MKLN1: variants seen among roughly 807,000 people sequenced by gnomAD.
The protein encoded by MKLN1 is muskelin 1.
Under a neutral mutation model 99.0 loss-of-function variants are expected in MKLN1, and 18 were observed. The observed-to-expected ratio is 0.18, with a 90% CI of 0.13 to 0.27. MKLN1 has a LOEUF of 0.27. Among genes scored for constraint, MKLN1 ranks in the 10% least tolerant of loss-of-function variants. The pLI, the probability that MKLN1 is intolerant of heterozygous loss-of-function variation, is 1.00. For missense variants in MKLN1, 621 were observed against 875.9 expected, an observed-to-expected ratio of 0.71 and a Z score of 3.67; for synonymous variants, 288 against 293.2, an observed-to-expected ratio of 0.98 and a Z score of 0.18.
intron 6 of MKLN1, among the ~76,000 whole-genome samples, chr7:131,403,003 C>G (rs1221982469): frequency 6.6e-6 from 1 of 152,156 alleles, no homozygotes; most frequent in East Asian, 1.9e-4. Flanking sequence ...GACAGTCACA[C>G]TATCCTTTAA....
chr7:131,241,377 AAAAAAAAAAAAAAG>A (rs1563263980), intron 3 of MKLN1, among the ~76,000 whole-genome samples: 1 of 14,888 alleles, frequency 6.7e-5, no homozygotes, highest in Admixed American at 9.6e-4. Context: ...GACTCTGTCT[AAAAAAAAAAAAAAG>A]AAAAAAGAAA....
intron 3 of MKLN1, among the ~76,000 whole-genome samples, chr7:131,252,085 A>G (rs1797589355): frequency 6.6e-6 from 1 of 152,158 alleles, no homozygotes; most frequent in African/African-American, 2.4e-5. Flanking sequence ...CTGAAATCCC[A>G]AATGTCCTAT....
intron 1 of MKLN1, among the ~76,000 whole-genome samples, chr7:131,344,051 T>G (rs1799485258): frequency 6.6e-6 from 1 of 152,182 alleles, no homozygotes; most frequent in South Asian, 2.1e-4. Context: ...TTTAAAACGG[T>G]TTGATTCAAT....
intron 2 of MKLN1, among the ~76,000 whole-genome samples, chr7:131,161,110 T>A (rs933324144): frequency 1.3e-5 from 2 of 152,146 alleles, no homozygotes; most frequent in African/African-American, 4.8e-5. Context: ...AAGTACCCCT[T>A]AAAGTAACTA....
chr7:131,373,861 C>T (rs1164337891), intron 1 of MKLN1, among the ~76,000 whole-genome samples: 1 of 152,088 alleles, frequency 6.6e-6, no homozygotes, highest in Non-Finnish European at 1.5e-5. Context: ...ATCCAAGATC[C>T]CACATTACAT....
intron 2 of MKLN1, among the ~76,000 whole-genome samples, chr7:131,173,676 G>T (rs577238713): frequency 2.0e-5 from 3 of 152,218 alleles, no homozygotes; most frequent in African/African-American, 7.2e-5. Context: ...TTGAGATCGT[G>T]CCATTGCATT....
At chr7:131,475,084 T>G (rs1796928527) in intron 16 of MKLN1, among the ~76,000 whole-genome samples, 1 of 151,692 alleles carries the variant, frequency 6.6e-6, no homozygotes, top group Non-Finnish European at 1.5e-5. Flanking sequence ...CTCCCCCAAT[T>G]CAACATGAGA....
rs187901123 is a variant in MKLN1, at chr7:131,359,050, T to A, written c.99-16374T>A. On this transcript the variant is annotated intron_variant, in intron 1 of 17. Coordinates refer to ENST00000352689, the MANE Select transcript of MKLN1 (RefSeq NM_013255.5). Reference sequence around the variant, plus strand: ...CTAAGATTTATTTATTTATTTATTTTTTCTGCTTTGTTTATGCTTCAGTTG... The same window carrying A: ...CTAAGATTTATTTATTTATTTATTTATTCTGCTTTGTTTATGCTTCAGTTG... Among the ~76,000 whole-genome samples, 148 of 152,248 alleles carry A rather than the reference T, an allele frequency of 9.7e-4. 1 individual carries two copies. Among genetic ancestry groups the A allele is most frequent in the Non-Finnish European group, 1.4e-3 (92 of 68,002 alleles).
At chr7:131,133,330 A>AT (rs11354175) in intron 1 of MKLN1, among the ~76,000 whole-genome samples, 4 of 131,610 alleles carry the variant, frequency 3.0e-5, no homozygotes, top group South Asian at 2.2e-4. Flanking sequence ...TTTAATTTTA[A>AT]TTTTTTTTTT....
At chr7:131,363,501 C>G (rs1416961349) in intron 1 of MKLN1, among the ~76,000 whole-genome samples, 1 of 151,966 alleles carries the variant, frequency 6.6e-6, no homozygotes, top group African/African-American at 2.4e-5. Flanking sequence ...TTCTACAGTC[C>G]TCTTAGAGTG....
chr7:131,300,799 A>G (rs1798367239), intron 3 of MKLN1, among the ~76,000 whole-genome samples: 1 of 152,040 alleles, frequency 6.6e-6, no homozygotes, highest in Non-Finnish European at 1.5e-5. Flanking sequence ...CTGATTAGCC[A>G]CTGTTCATAA....
intron 11 of MKLN1, among the ~76,000 whole-genome samples, chr7:131,444,818 AGT>A (rs1286013610): frequency 2.1e-5 from 3 of 146,200 alleles, no homozygotes; most frequent in East Asian, 2.0e-4. Flanking sequence ...TAGTAGTAGT[AGT>A]AGAAGTGGAA....
chr7:131,252,582 C>T (rs1797599583), intron 3 of MKLN1, among the ~76,000 whole-genome samples: 1 of 152,042 alleles, frequency 6.6e-6, no homozygotes, highest in African/African-American at 2.4e-5. Context: ...ATCCACCTGG[C>T]CTCCCAAAGT....
chr7:131,305,827 G>A (rs990742329), intron 3 of MKLN1, among the ~76,000 whole-genome samples: 6 of 152,090 alleles, frequency 3.9e-5, no homozygotes, highest in Admixed American at 2.6e-4. Flanking sequence ...AGTGGATAGC[G>A]ACAAACCAAA....
intron 3 of MKLN1, among the ~76,000 whole-genome samples, chr7:131,302,515 G>T (rs1408745520): frequency 6.6e-6 from 1 of 152,144 alleles, no homozygotes. Flanking sequence ...AATACACTAG[G>T]CATCAGTGTT....
At chr7:131,184,122 A>G (rs1245246999) in intron 2 of MKLN1, among the ~76,000 whole-genome samples, 2 of 151,762 alleles carry the variant, frequency 1.3e-5, no homozygotes, top group African/African-American at 4.8e-5. Context: ...CTCTGTGATC[A>G]CTTTTCTTTC....
chr7:131,457,747 C>G (rs1796391905), intron 12 of MKLN1, among the ~76,000 whole-genome samples: 1 of 152,132 alleles, frequency 6.6e-6, no homozygotes, highest in Non-Finnish European at 1.5e-5. Context: ...GAAATGCTGT[C>G]TCTACTAAAA....
At position 131,283,336 on chromosome 7, in the gene MKLN1, TTCCCTTCCCC is replaced by T. The variant is rs1443902202; in HGVS notation, c.-179+80366_-179+80375del. 2.4e-3 allele frequency among the ~76,000 whole-genome samples: 77 copies of T among 31,448 alleles called. 2 individuals are homozygous for T. The highest frequency in any genetic ancestry group is 3.0e-3 in the Non-Finnish European group (56 of 18,644). 20.6% of individuals were successfully genotyped at this position (31,448 alleles called of 152,430 possible). A position where few individuals can be genotyped will look rare whatever the true frequency, so the allele number is the denominator to read the frequency against. On this transcript the variant is annotated intron_variant, in intron 3 of 7. Coordinates refer to the MKLN1 transcript ENST00000416992. ...CTCCCTCCCTCCCTCCCTCCTTCCC[TTCCCTTCCCC>T]TCCTTCCTTCCTTCCTTCCTTCCTT... is the stretch of plus-strand genomic sequence containing the variant.
chr7:131,468,806 C>T (rs1377100203), intron 15 of MKLN1, among the ~76,000 whole-genome samples: 2 of 152,156 alleles, frequency 1.3e-5, no homozygotes, highest in African/African-American at 4.8e-5. Flanking sequence ...AGATGGAGAA[C>T]ATAACTTTCA....
Sources: gnomAD v4.1 joint callset for allele counts (sites outside exome capture counted in the v4.1 genomes callset) on GRCh38, gnomAD v4.1.1 for gene constraint, MANE v1.5 for transcripts, NCBI Gene and HGNC (gene_info 2026-07-23, HGNC 2026-07-21) for gene names.